PLXNC1: variants seen among roughly 807,000 people sequenced by gnomAD.
PLXNC1 encodes plexin-C1.
Under a neutral mutation model 178.2 loss-of-function variants are expected in PLXNC1, and 75 were observed. The observed-to-expected ratio is 0.42, with a 90% CI of 0.35 to 0.51. The LOEUF (loss-of-function observed/expected upper bound fraction) is 0.51. Ranked by LOEUF, PLXNC1 falls within the 20% of genes least tolerant of loss-of-function variation. The probability of loss-of-function intolerance (pLI) is 0.02; values close to 1 mark genes in which losing one functional copy is unlikely to be tolerated. For missense variants in PLXNC1, 1,503 were observed against 1,984.4 expected (o/e 0.76, Z 4.61); for synonymous variants, 790 against 779.9 (o/e 1.01, Z -0.22).
At chr12:94,287,851 GGTACT>G (rs1313081393) in intron 23 of PLXNC1, among the ~76,000 whole-genome samples, 1 of 152,172 alleles carries the variant, frequency 6.6e-6, no homozygotes, top group Non-Finnish European at 1.5e-5. Context: ...TTGTGTACTG[GGTACT>G]GTTCTAGGGC....
intron 27 of PLXNC1, 95 bp downstream of exon 27, chr12:94,298,890 T>C (rs532700312): frequency 8.4e-7 from 1 of 1,191,058 alleles, no homozygotes; most frequent in Admixed American, 2.7e-5. Context: ...GATTCATTTA[T>C]CTCTATATCA....
In PLXNC1 at chr12:94,300,972, A is replaced by G. The variant is rs749525873; in HGVS notation, c.4301A>G (p.Lys1434Arg). ...CCTCAGTTTGTCTTTGACATTAAGA[A>G]GACACCACATATAGACGGCTGTTTG... ...KNPQFVFDIK[K>R]TPHIDGCLSV... Residue 1434 changes from lysine to arginine, a missense_variant, in exon 28 of 31, where the codon AAG (lysine) becomes AGG (arginine). Lys to Arg is a conservative substitution (Grantham distance 26). Around this residue, in one of 4 missense-constraint regions of PLXNC1, gnomAD observed 639 missense variants for 979.7 expected, o/e 0.65. Transcript: ENST00000258526. The G allele has an allele frequency of 6.2e-7, 1 of 1,613,820 alleles. No homozygotes were observed. The highest frequency in any genetic ancestry group is 8.5e-7 in the Non-Finnish European group (1 of 1,179,756).
intron 2 of PLXNC1, among the ~76,000 whole-genome samples, chr12:94,178,476 C>T (rs986486055): frequency 1.3e-5 from 2 of 152,250 alleles, no homozygotes; most frequent in African/African-American, 4.8e-5. Flanking sequence ...CAAAAACTGG[C>T]TTCCTGTTTC....
chr12:94,203,246 T>C (rs1963196741), intron 4 of PLXNC1, among the ~76,000 whole-genome samples: 1 of 152,196 alleles, frequency 6.6e-6, no homozygotes, highest in African/African-American at 2.4e-5. Flanking sequence ...GTGACTAGAA[T>C]TTCTCATCCC....
At chr12:94,303,668 A>G in intron 28 of PLXNC1, 88 bp from the exon 29 acceptor site, 2 of 1,195,310 alleles carry the variant, frequency 1.7e-6, no homozygotes, top group South Asian at 1.8e-5. Flanking sequence ...GTTCAGCTAC[A>G]TTGGAATATT....
chr12:94,296,185 C>T (rs1051398170), intron 24 of PLXNC1, among the ~76,000 whole-genome samples: 1 of 152,122 alleles, frequency 6.6e-6, no homozygotes, highest in Non-Finnish European at 1.5e-5. Flanking sequence ...ATTTTTAAGA[C>T]AGTGTCTCGC....
intron 1 of PLXNC1, among the ~76,000 whole-genome samples, chr12:94,154,131 A>G (rs1961066826): frequency 6.6e-6 from 1 of 152,220 alleles, no homozygotes. Flanking sequence ...AATAGTTATT[A>G]TGGCCAGGTT....
At chr12:94,280,297 C>T (rs1026360665) in intron 22 of PLXNC1, 1 of 160,090 alleles carries the variant, frequency 6.2e-6, no homozygotes, top group Non-Finnish European at 1.4e-5. Context: ...GTGCAGTCCT[C>T]CCAGGAGACT....
At chr12:94,184,389 G>C (rs890012844) in intron 3 of PLXNC1, among the ~76,000 whole-genome samples, 1 of 151,724 alleles carries the variant, frequency 6.6e-6, no homozygotes, top group Non-Finnish European at 1.5e-5. Flanking sequence ...GCCTCCCAAA[G>C]TGCTGGGATT....
At chr12:94,152,142 A>G (rs1320431713) in intron 1 of PLXNC1, among the ~76,000 whole-genome samples, 1 of 152,172 alleles carries the variant, frequency 6.6e-6, no homozygotes, top group Non-Finnish European at 1.5e-5. Context: ...CTCTGGTTCA[A>G]ACAATAGCAT....
At chr12:94,299,123 G>GA (rs777177508) in intron 27 of PLXNC1, among the ~76,000 whole-genome samples, 1 of 152,266 alleles carries the variant, frequency 6.6e-6, no homozygotes, top group South Asian at 2.1e-4. Context: ...TTGCATTAGA[G>GA]AAAATTTTAT....
At chr12:94,226,394 C>T in intron 7 of PLXNC1, 1 of 494,768 alleles carries the variant, frequency 2.0e-6, no homozygotes, top group South Asian at 2.2e-5. Flanking sequence ...CTTCAGGTTT[C>T]CATGGCAACA....
intron 2 of PLXNC1, 139 bp downstream of exon 2, chr12:94,169,432 T>C (rs1961758770): frequency 4.7e-5 from 32 of 675,510 alleles, no homozygotes; most frequent in Non-Finnish European, 6.6e-5. Context: ...CCCCCAGAAA[T>C]GGCCTGGAAG....
intron 21 of PLXNC1, among the ~76,000 whole-genome samples, chr12:94,274,155 TAAAAAAAAAAAAAAAAAA>T (rs3060881): frequency 0.011 from 488 of 45,398 alleles, 9 homozygotes; most frequent in Middle Eastern, 0.06. Context: ...ACCCTGTCTC[TAAAAAAAAAAAAAAAAAA>T]AAAAAAAAAA....
At chr12:94,304,183 A>G in intron 30 of PLXNC1, 132 bp downstream of exon 30, 1 of 625,372 alleles carries the variant, frequency 1.6e-6, no homozygotes, top group East Asian at 2.8e-5. Flanking sequence ...CCTGTCTGAG[A>G]TGGGGGATCC....
Position 94,248,340 on chromosome 12 carries a change from T to C in PLXNC1, c.2706T>C (p.Leu902=). 6.2e-7 allele frequency: 1 copy of C among 1,614,018 alleles called. No individual in the cohort carries two copies. Among genetic ancestry groups the C allele is most frequent in the Non-Finnish European group, 8.5e-7 (1 of 1,179,910 alleles). ...SFENITRNQD[L]TTILCKIKGI... is the part of the protein sequence containing the mutation. The stretch of plus-strand genomic sequence containing the variant: ...AAAATATTACTAGAAATCAAGATCT[T>C]ACCACCATCCTTTGCAAAATTAAAG... The change falls in exon 14 of 31, where the codon CTT becomes CTC. Residue 902 remains leucine (L), a synonymous_variant. Coordinates refer to ENST00000258526, the MANE Select transcript of PLXNC1 (RefSeq NM_005761.3).
intron 24 of PLXNC1, among the ~76,000 whole-genome samples, chr12:94,295,712 AGGCACATAAT>A (rs371979970): frequency 6.6e-6 from 1 of 152,250 alleles, no homozygotes; most frequent in East Asian, 1.9e-4. Flanking sequence ...CACAGAAGAA[AGGCACATAAT>A]GGCACACAGT....
chr12:94,254,446 G>C, intron 15 of PLXNC1: 2 of 478,528 alleles, frequency 4.2e-6, no homozygotes, highest in South Asian at 3.1e-5. Flanking sequence ...TGCAGCTGTG[G>C]GGAAGAAACT....
chr12:94,159,293 TG>T lies in PLXNC1; in HGVS notation c.1062+9263del, dbSNP rs1055635489. 3.3e-5 allele frequency among the ~76,000 whole-genome samples: 5 copies of T among 152,316 alleles called. No individual in the cohort carries two copies. In the South Asian group the frequency reaches 1.0e-3, roughly 32 times the overall value. ...TAATCCTCACTGCAACTTTACAAAA[TG>T]GGCTGTATTATTACTACCATTTTAA... On this transcript the variant is annotated intron_variant, in intron 1 of 30. Transcript: ENST00000258526.
Sources: gnomAD v4.1 joint callset for allele counts (sites outside exome capture counted in the v4.1 genomes callset) on GRCh38, gnomAD v4.1.1 for gene constraint, gnomAD v4.1.1 regional missense constraint, MANE v1.5 for transcripts, NCBI Gene and HGNC (gene_info 2026-07-23, HGNC 2026-07-21) for gene names.